DNAH11: variants seen among roughly 807,000 people sequenced by gnomAD.
DNAH11 encodes axonemal beta dynein heavy chain 11.
In DNAH11, 442 loss-of-function variants were observed where a neutral mutation model predicts 526.0. That is an observed-to-expected ratio of 0.84 (90% CI 0.78 to 0.91). The LOEUF is 0.91. DNAH11 is among the 40% of genes least tolerant of loss of function. The probability of loss-of-function intolerance (pLI) is 0.00; values close to 1 mark genes in which losing one functional copy is unlikely to be tolerated. For missense variants in DNAH11, 6,989 were observed against 5,448.7 expected (o/e 1.28, Z -8.90); for synonymous variants, 2,461 against 1,935.9 (o/e 1.27, Z -7.12).
At chr7:21,589,433 T>C (rs1026219515) in intron 12 of DNAH11, 30 bp downstream of exon 12, 15 of 1,531,620 alleles carry the variant, frequency 9.8e-6, no homozygotes, top group Non-Finnish European at 1.3e-5. Flanking sequence ...AGATGATTTA[T>C]AAGTGCCCTT....
intron 55 of DNAH11, among the ~76,000 whole-genome samples, chr7:21,769,144 A>G (rs1787310317): frequency 6.6e-6 from 1 of 152,218 alleles, no homozygotes; most frequent in Non-Finnish European, 1.5e-5. Context: ...GACAAATATA[A>G]ATGCAACCAC....
At chr7:21,828,257 G>A (rs1790392785) in intron 65 of DNAH11, among the ~76,000 whole-genome samples, 2 of 152,022 alleles carry the variant, frequency 1.3e-5, no homozygotes, top group Admixed American at 1.3e-4. Flanking sequence ...CCTAGCTTAT[G>A]GATTTTAAAT....
rs1785747333 is a variant in DNAH11 at position 21,738,988 on chromosome 7, A to G, written c.7811+122A>G. 3 of 974,196 alleles carry G rather than the reference A, an allele frequency of 3.1e-6. No individual in the cohort carries two copies. The South Asian group carries it at 6.9e-5, about 23-fold the overall frequency. The allele number at this position is 974,196 out of a possible 1,614,324, so 60.3% of individuals were successfully genotyped here. A position where few individuals can be genotyped will look rare whatever the true frequency, so the allele number is the denominator to read the frequency against. ...GGATGAATTATTATGGATGAATTCA[A>G]GTGCAATTATCCCCAGTTTCTTCTA... On this transcript the variant is annotated intron_variant, in intron 47 of 81. Transcript: ENST00000409508.
chr7:21,810,567 C>T (rs1346220208), intron 63 of DNAH11, among the ~76,000 whole-genome samples: 1 of 152,068 alleles, frequency 6.6e-6, no homozygotes, highest in Non-Finnish European at 1.5e-5. Context: ...TCAAAAATAC[C>T]TGTGAAGGGC....
chr7:21,748,737 C>T lies in DNAH11; in HGVS notation c.8668C>T (p.Leu2890Phe). The T allele has an allele frequency of 6.2e-7, 1 of 1,613,204 alleles. No homozygotes were observed. Among genetic ancestry groups the T allele is most frequent in the Non-Finnish European group, 8.5e-7 (1 of 1,179,476 alleles). The change falls in exon 52 of 82, where the codon CTT (leucine) becomes TTT (phenylalanine). Residue 2890 changes from leucine (L) to phenylalanine (F), a missense_variant. By Grantham distance (22) the Leu-to-Phe change is conservative (BLOSUM62 0). Coordinates refer to ENST00000409508, the MANE Select transcript of DNAH11 (RefSeq NM_001277115.2). ...TLTEGYGIQE[L>F]RVDLANLYIR... ...GACCGAGGGCTATGGAATCCAGGAACTTCGGGTGAGTCAAGGGGACAGGCA... is the reference window on the plus strand; with the variant it reads ...GACCGAGGGCTATGGAATCCAGGAATTTCGGGTGAGTCAAGGGGACAGGCA...
intron 6 of DNAH11, among the ~76,000 whole-genome samples, chr7:21,567,479 T>C (rs1562666374): frequency 6.6e-6 from 1 of 152,242 alleles, no homozygotes; most frequent in Non-Finnish European, 1.5e-5. Flanking sequence ...TTAAAATTGT[T>C]AATACTTAAA....
intron 45 of DNAH11, among the ~76,000 whole-genome samples, chr7:21,727,131 C>T (rs1312949547): frequency 6.6e-6 from 1 of 151,308 alleles, no homozygotes; most frequent in African/African-American, 2.4e-5. Flanking sequence ...GACGGGGTTT[C>T]ACCGTGTTAG....
At chr7:21,654,655 C>G (rs970968379) in intron 28 of DNAH11, among the ~76,000 whole-genome samples, 20 of 152,188 alleles carry the variant, frequency 1.3e-4, no homozygotes, top group Non-Finnish European at 2.8e-4. Context: ...TTTGAGGAAC[C>G]ACAAAACTGT....
chr7:21,615,160 A>G lies in DNAH11; in HGVS notation c.3899A>G (p.Gln1300Arg). ...EALEEEMLQMQESTRLFEVAL... is the reference protein window; with the variant it reads ...EALEEEMLQMRESTRLFEVAL... ...TTAGAAGAAGAAATGTTGCAGATGC[A>G]AGAATCTACTCGTCTTTTTGAAGTG... The change falls in exon 21 of 82, where the codon CAA becomes CGA. Residue 1300 changes from glutamine (Q) to arginine (R), a missense_variant. Transcript: ENST00000409508. The G allele has an allele frequency of 6.2e-7, 1 of 1,612,926 alleles. No individual in the cohort carries two copies. Among genetic ancestry groups the G allele is most frequent in the South Asian group, 1.1e-5 (1 of 90,818 alleles).
intron 14 of DNAH11, among the ~76,000 whole-genome samples, chr7:21,598,389 G>A (rs562793138): frequency 3.3e-5 from 5 of 152,202 alleles, no homozygotes; most frequent in African/African-American, 1.2e-4. Context: ...AACCTGTAGT[G>A]GTCCTTAACC....
In DNAH11 at chr7:21,616,187, T is replaced by A. The variant is rs192854870; in HGVS notation, c.4012-22T>A. The A allele has an allele frequency of 1.9e-6, 3 of 1,602,488 alleles. 1 individual carries two copies. The highest frequency in any genetic ancestry group is 2.2e-5 in the South Asian group (2 of 90,456). On this transcript the variant is annotated intron_variant, in intron 21 of 81. Coordinates refer to ENST00000409508, the MANE Select transcript of DNAH11 (RefSeq NM_001277115.2). Reference sequence around the variant, plus strand: ...CTTTCACCAAATGTTGTTGACACTTTTATCTGCTTTTGCGTTTTCAGAGAA... The same window carrying A: ...CTTTCACCAAATGTTGTTGACACTTATATCTGCTTTTGCGTTTTCAGAGAA...
intron 81 of DNAH11, 138 bp downstream of exon 81, chr7:21,900,258 T>A: frequency 9.9e-7 from 1 of 1,014,810 alleles, no homozygotes; most frequent in Non-Finnish European, 1.3e-6. Flanking sequence ...TTTCTTCCTC[T>A]TAAATAATTT....
At chr7:21,589,068 G>A in intron 11 of DNAH11, 140 bp from the exon 12 acceptor site, 2 of 573,050 alleles carry the variant, frequency 3.5e-6, no homozygotes, top group South Asian at 3.9e-5. Context: ...CAATTAATAC[G>A]CACATAATTT....
rs1349828360 is a variant in DNAH11 at position 21,601,405 on chromosome 7, G to C, written c.3435G>C (p.Glu1145Asp). 6.2e-7 allele frequency: 1 copy of C among 1,611,974 alleles called. No homozygotes were observed. Among genetic ancestry groups the C allele is most frequent in the South Asian group, 1.1e-5 (1 of 90,870 alleles). ...CATATATATTTAATAGTCTGAATGAGCTACAAGAATTTATAAAGGAGACAG... is the reference window on the plus strand; with the variant it reads ...CATATATATTTAATAGTCTGAATGACCTACAAGAATTTATAAAGGAGACAG... ...LLRFVIDSLN[E>D]LQEFIKETDS... The change falls in exon 18 of 82, where the codon GAG becomes GAC. Residue 1145 changes from glutamate to aspartate, a missense_variant. Glu to Asp is a conservative substitution (Grantham distance 45, BLOSUM62 2). Coordinates refer to ENST00000409508, the MANE Select transcript of DNAH11 (RefSeq NM_001277115.2).
intron 2 of DNAH11, among the ~76,000 whole-genome samples, chr7:21,549,210 A>C (rs894314764): frequency 2.6e-5 from 4 of 152,120 alleles, no homozygotes; most frequent in Admixed American, 2.6e-4. Flanking sequence ...TTATTTCCCC[A>C]TGCATCCTTG....
chr7:21,579,685 A>G (rs1480490231), intron 8 of DNAH11, among the ~76,000 whole-genome samples: 1 of 152,246 alleles, frequency 6.6e-6, no homozygotes, highest in African/African-American at 2.4e-5. Flanking sequence ...AGATTATGCT[A>G]AGACCTTTGG....
At position 21,868,898 on chromosome 7, in the gene DNAH11, A is replaced by C. The variant is rs756561500; in HGVS notation, c.11874A>C (p.Lys3958Asn). ...TTGGCTTTACAATTGACTCTGGAAA[A>C]TTCCACAATGTGTCTTTAGGACAAG... ...KRLGFTIDSGKFHNVSLGQGQ... is the reference protein window; with the variant it reads ...KRLGFTIDSGNFHNVSLGQGQ... Residue 3958 changes from lysine to asparagine, a missense_variant, in exon 73 of 82, where the codon AAA becomes AAC. Lys to Asn is a moderately conservative substitution (Grantham distance 94). Transcript: ENST00000409508. 6.8e-6 allele frequency: 11 copies of C among 1,613,996 alleles called. No individual in the cohort carries two copies. In the South Asian group the frequency reaches 1.2e-4, roughly 18 times the overall value.
chr7:21,843,255 A>T (rs1202694419), intron 66 of DNAH11, among the ~76,000 whole-genome samples: 1 of 152,214 alleles, frequency 6.6e-6, no homozygotes, highest in Non-Finnish European at 1.5e-5. Flanking sequence ...GAAGAAAGGC[A>T]ATAATAAAGA....
In DNAH11 at chr7:21,692,170, G is replaced by T. The variant is rs1460177583; in HGVS notation, c.6041+1289G>T. ...TATGGTTTATGTTTTATTAGAGAAA[G>T]AGAGATCAGGTTTAGAGATAAAATT... On this transcript the variant is annotated intron_variant, in intron 35 of 81. Transcript: ENST00000409508. Among the ~76,000 whole-genome samples, 3 of 152,244 alleles carry T rather than the reference G, an allele frequency of 2.0e-5. No individual in the cohort carries two copies. The East Asian group carries it at 5.8e-4, about 29-fold the overall frequency.
Sources: allele counts gnomAD v4.1 joint callset (sites outside exome capture counted in the v4.1 genomes callset), GRCh38; gene constraint gnomAD v4.1.1; transcripts MANE v1.5; gene names NCBI Gene and HGNC (gene_info 2026-07-23, HGNC 2026-07-21).